Variants in POLK observed in about 807,000 individuals in gnomAD.
POLK encodes the protein polymerase (DNA directed) kappa.
In POLK, 76 loss-of-function variants were observed where a neutral mutation model predicts 94.0. That is an observed-to-expected ratio of 0.81 (90% CI 0.67 to 0.98). The LOEUF is 0.98. POLK is among the 50% of genes least tolerant of loss of function. The probability of loss-of-function intolerance (pLI) is 0.00; values close to 1 mark genes in which losing one functional copy is unlikely to be tolerated. For missense variants in POLK, 954 were observed against 1,010.1 expected, an observed-to-expected ratio of 0.94 and a Z score of 0.75; for synonymous variants, 349 against 325.4, an observed-to-expected ratio of 1.07 and a Z score of -0.78.
downstream of POLK, among the ~76,000 whole-genome samples, chr5:75,604,309 A>G (rs942685879): frequency 2.6e-5 from 4 of 152,032 alleles, no homozygotes; most frequent in African/African-American, 9.7e-5. Context: ...ATGACTATTA[A>G]CCTGGGGCTA....
chr5:75,565,053 A>G (rs1191638171), intron 3 of POLK, among the ~76,000 whole-genome samples: 1 of 152,126 alleles, frequency 6.6e-6, no homozygotes, highest in Non-Finnish European at 1.5e-5. Flanking sequence ...ACATAGTCCC[A>G]TATTTCTAAG....
chr5:75,581,190 T>C lies in POLK; in HGVS notation c.695-19T>C. 6.4e-7 allele frequency: 1 copy of C among 1,552,862 alleles called. No individual in the cohort carries two copies. The highest frequency in any genetic ancestry group is 8.9e-7 in the Non-Finnish European group (1 of 1,128,188). ...ACTTCTTAAAATAAAGGTGAGTTAT[T>C]TTCCTGTTTATGACTTAGATAATCC... On this transcript the variant is annotated intron_variant, in intron 6 of 14. Coordinates refer to ENST00000241436, the Ensembl canonical transcript of POLK.
At chr5:75,549,353 C>CTGGATCATT (rs1554055448) in intron 2 of POLK, among the ~76,000 whole-genome samples, 1 of 152,022 alleles carries the variant, frequency 6.6e-6, no homozygotes, top group East Asian at 1.9e-4. Context: ...TTCTGTTCCA[C>CTGGATCATT]TGGATCATTT....
At chr5:75,599,193 A>G (rs1773231636) in exon 15 of POLK, 2 of 152,130 alleles carry the variant, frequency 1.3e-5, no homozygotes, top group Admixed American at 6.5e-5. Flanking sequence ...TCAAAGCTGC[A>G]GTCAGCCAAG....
rs758623048 is a variant in POLK, at chr5:75,511,793, C to G, written c.-135C>G. On this transcript the variant is annotated 5_prime_UTR_variant, in exon 1 of 15. Coordinates refer to ENST00000241436, the Ensembl canonical transcript of POLK. ...TCCCGGGTGACGACGGGTAGAAAAG[C>G]AGGAGGAGCGGAGAAAGGAGAGGGC... 6.4e-6 allele frequency: 10 copies of G among 1,551,390 alleles called. No individual in the cohort carries two copies. The African/African-American group carries it at 1.2e-4, about 19-fold the overall frequency.
intron 3 of POLK, among the ~76,000 whole-genome samples, chr5:75,562,228 C>T (rs1304717371): frequency 1.3e-5 from 2 of 152,096 alleles, no homozygotes; most frequent in African/African-American, 4.8e-5. Flanking sequence ...CTTCACATCC[C>T]TTGTAATTTG....
At chr5:75,586,759 T>C (rs1267712974) in intron 9 of POLK, among the ~76,000 whole-genome samples, 4 of 152,180 alleles carry the variant, frequency 2.6e-5, no homozygotes, top group Non-Finnish European at 4.4e-5. Context: ...GATAGTCAGG[T>C]TTTTAATAGA....
At chr5:75,552,253 G>A (rs1182244871) in intron 2 of POLK, among the ~76,000 whole-genome samples, 2 of 152,132 alleles carry the variant, frequency 1.3e-5, no homozygotes, top group African/African-American at 4.8e-5. Flanking sequence ...CAACAATCCT[G>A]TGATTTAGTT....
At chr5:75,533,912 G>T (rs1251834385) in intron 1 of POLK, among the ~76,000 whole-genome samples, 2 of 152,212 alleles carry the variant, frequency 1.3e-5, no homozygotes, top group East Asian at 1.9e-4. Flanking sequence ...GTACAGGAAT[G>T]CTACAGATTT....
At chr5:75,563,821 G>T (rs1771121060) in intron 3 of POLK, among the ~76,000 whole-genome samples, 1 of 152,136 alleles carries the variant, frequency 6.6e-6, no homozygotes, top group South Asian at 2.1e-4. Flanking sequence ...CAATTATGTG[G>T]TCAATTTTAG....
chr5:75,577,363 TC>T (rs1771948184), intron 6 of POLK, among the ~76,000 whole-genome samples: 1 of 152,170 alleles, frequency 6.6e-6, no homozygotes, highest in African/African-American at 2.4e-5. Flanking sequence ...TTTTCTATAA[TC>T]TAATTATTAT....
chr5:75,596,714 A>C (rs1773108687), exon 13 of POLK: 1 of 1,613,802 alleles, frequency 6.2e-7, no homozygotes, highest in Non-Finnish European at 8.5e-7. Flanking sequence ...AAGAAAGAAA[A>C]TGTTCCTGCT....
At chr5:75,600,733 A>G (rs1482263519) in exon 15 of POLK, 1 of 152,244 alleles carries the variant, frequency 6.6e-6, no homozygotes, top group East Asian at 1.9e-4. Context: ...AAAATGAAGG[A>G]AATAGCTAAC....
chr5:75,609,273 T>G, the POLK span: 2 of 151,602 alleles, frequency 1.3e-5, no homozygotes, highest in Admixed American at 1.3e-4. Flanking sequence ...AAAAAAAAAT[T>G]TTTTTTTTGA....
chr5:75,587,033 G>C, exon 10 of POLK: 1 of 1,554,850 alleles, frequency 6.4e-7, no homozygotes, highest in Non-Finnish European at 8.8e-7. Context: ...AAGGGATGGA[G>C]AGAGGAAAAG....
the POLK span, chr5:75,609,377 C>G: frequency 6.6e-6 from 1 of 152,154 alleles, no homozygotes; most frequent in African/African-American, 2.4e-5. Flanking sequence ...CATCCTCCCA[C>G]CTCAGCCTCC....
chr5:75,587,084 T>C (rs1467040172), intron 10 of POLK, 26 bp downstream of exon 10: 1 of 1,237,302 alleles, frequency 8.1e-7, no homozygotes, highest in Non-Finnish European at 1.2e-6. Context: ...TTATTGTTAA[T>C]TGTGCATAAT....
intron 2 of POLK, among the ~76,000 whole-genome samples, chr5:75,547,482 G>A (rs558011004): frequency 1.1e-3 from 161 of 150,740 alleles, no homozygotes; most frequent in Middle Eastern, 6.8e-3. Flanking sequence ...AGCTCTTTCT[G>A]TATAGGTAAA....
At chr5:75,515,019 A>G (rs1352210120) in intron 1 of POLK, among the ~76,000 whole-genome samples, 3 of 152,194 alleles carry the variant, frequency 2.0e-5, no homozygotes, top group Non-Finnish European at 4.4e-5. Flanking sequence ...ATCCACATGC[A>G]TTTTTAAGGT....
Sources: gnomAD v4.1 joint callset for allele counts (sites outside exome capture counted in the v4.1 genomes callset) on GRCh38, gnomAD v4.1.1 for gene constraint, MANE v1.5 for transcripts, NCBI Gene and HGNC (gene_info 2026-07-23, HGNC 2026-07-21) for gene names.